The following ARHGEF2 variants were observed in gnomAD, a reference collection of about 807,000 sequenced individuals.
The protein encoded by ARHGEF2 is rho guanine nucleotide exchange factor 2.
A neutral mutation model predicts 121.0 loss-of-function variants in ARHGEF2; 22 were observed. The observed-to-expected ratio is 0.18, with a 90% confidence interval of 0.13 to 0.26. The LOEUF (loss-of-function observed/expected upper bound fraction) is 0.26. ARHGEF2 is among the 10% of genes least tolerant of loss of function. The pLI is 1.00. For synonymous variants in ARHGEF2, 487 were observed against 530.0 expected, an observed-to-expected ratio of 0.92 and a Z score of 1.11; for missense variants, 907 against 1,336.0, an observed-to-expected ratio of 0.68 and a Z score of 5.01.
intron 1 of ARHGEF2, among the ~76,000 whole-genome samples, chr1:155,977,364 G>A (rs1257465094): frequency 1.3e-5 from 2 of 152,122 alleles, no homozygotes; most frequent in African/African-American, 4.8e-5. Flanking sequence ...TTGGGAATGG[G>A]GCTGGGTACA....
chr1:155,978,981 G>A, upstream of ARHGEF2: 1 of 985,686 alleles, frequency 1.0e-6, no homozygotes, highest in African/African-American at 1.7e-5. This position sits in a 1 kb window ranked among gnomAD's most constrained non-coding sequence, Gnocchi z 4.1. Flanking sequence ...CCCAGGACCA[G>A]TTCCTTCCTG....
chr1:155,966,612 G>A (rs1262415398), intron 3 of ARHGEF2, 133 bp from the exon 4 acceptor site: 3 of 1,104,828 alleles, frequency 2.7e-6, no homozygotes, highest in Admixed American at 1.8e-5. Flanking sequence ...GGGGATCAGG[G>A]TGATTGAGCC....
chr1:155,964,202 A>ATATG (rs1572143965), intron 7 of ARHGEF2, among the ~76,000 whole-genome samples: 2 of 117,206 alleles, frequency 1.7e-5, no homozygotes, highest in East Asian at 4.5e-4. Flanking sequence ...ATATATACAT[A>ATATG]TATATATATA....
chr1:155,965,821 C>A lies in ARHGEF2; in HGVS notation c.341-61G>T. 1.3e-6 allele frequency: 2 copies of A among 1,522,830 alleles called. No homozygotes were observed. The highest frequency in any genetic ancestry group is 8.7e-7 in the Non-Finnish European group (1 of 1,146,118). 94.3% of individuals were successfully genotyped at this position (1,522,830 alleles called of 1,614,324 possible). On this transcript the variant is annotated intron_variant, in intron 4 of 21. Coordinates refer to ENST00000361247, the MANE Select transcript of ARHGEF2 (RefSeq NM_001162383.2). The surrounding 1 kb of genome is among the most constrained non-coding windows in gnomAD (Gnocchi z 6.0). ...ACTCTGGTGCTTCCCAGGATTGAGG[C>A]CTCCTAGGCTCCTCAATGAGGAATG... is the stretch of plus-strand genomic sequence containing the variant.
chr1:155,973,603 G>A (rs978859559), intron 1 of ARHGEF2, among the ~76,000 whole-genome samples: 4 of 152,076 alleles, frequency 2.6e-5, no homozygotes, highest in African/African-American at 4.8e-5. Flanking sequence ...AAAATTGGCC[G>A]GGTATGGTGG....
chr1:155,977,196 C>G (rs1400898699), intron 1 of ARHGEF2, among the ~76,000 whole-genome samples: 1 of 152,160 alleles, frequency 6.6e-6, no homozygotes, highest in Non-Finnish European at 1.5e-5. Context: ...CAACTCTGGG[C>G]TGGGACCTGT....
chr1:155,951,228 A>G lies in ARHGEF2; in HGVS notation c.2304T>C (p.Pro768=). ...GCTTCTCCCGCCGCTCAGGGCCCTCAGGGAACCGGGCTTCCATCAGAGTGT... is the reference window on the plus strand; with the variant it reads ...GCTTCTCCCGCCGCTCAGGGCCCTCGGGGAACCGGGCTTCCATCAGAGTGT... ...QQDTLMEARF[P]EGPERREKLC... Residue 768 remains proline, a synonymous_variant, in exon 20 of 22, where the codon CCT becomes CCC. Coordinates refer to ENST00000361247, the MANE Select transcript of ARHGEF2 (RefSeq NM_001162383.2). The surrounding 1 kb of genome is among the most constrained non-coding windows in gnomAD (Gnocchi z 5.1). The G allele has an allele frequency of 6.2e-7, 1 of 1,611,230 alleles. No homozygotes were observed. The highest frequency in any genetic ancestry group is 8.5e-7 in the Non-Finnish European group (1 of 1,178,894).
Position 155,962,605 on chromosome 1 carries a change from C to T in ARHGEF2, c.1089G>A (p.Gln363=). ...KELYARDKRF[Q]QFIRKVTRPA... The stretch of plus-strand genomic sequence containing the variant: ...GAGGTCCGCTCACCCGGATGAATTG[C>T]TGGAAGCGTTTGTCTCGGGCGTACA... The change falls in exon 9 of 22, where the codon CAG becomes CAA. Residue 363 remains glutamine, a synonymous_variant. Transcript: ENST00000361247. The surrounding 1 kb of genome is among the most constrained non-coding windows in gnomAD (Gnocchi z 5.8). 1.2e-6 allele frequency: 2 copies of T among 1,613,912 alleles called. No homozygotes were observed. Among genetic ancestry groups the T allele is most frequent in the Non-Finnish European group, 1.7e-6 (2 of 1,180,018 alleles).
rs899267783 is a variant in ARHGEF2 at position 155,961,525 on chromosome 1, C to T, written c.1468+136G>A. 40 of 1,263,478 alleles carry T rather than the reference C, an allele frequency of 3.2e-5. 1 individual carries two copies. The highest frequency in any genetic ancestry group is 3.0e-4 in the South Asian group (21 of 70,718). The allele number at this position is 1,263,478 out of a possible 1,614,324, so 78.3% of individuals were successfully genotyped here. On this transcript the variant is annotated intron_variant, in intron 11 of 21. Transcript: ENST00000361247. This position sits in a 1 kb window ranked among gnomAD's most constrained non-coding sequence, Gnocchi z 4.7. ...TCCTGACCTCGTGATCCGCCCGCCT[C>T]GGCCTCCCTAAGTGCTGGGATTACA...
chr1:155,966,547 T>C, intron 3 of ARHGEF2, 68 bp from the exon 4 acceptor site: 1 of 1,572,040 alleles, frequency 6.4e-7, no homozygotes, highest in Admixed American at 1.7e-5. Context: ...CCCAGAGGCA[T>C]GGGACAGGAG....
rs747315791 is a variant in ARHGEF2 at position 155,951,961 on chromosome 1, G to A, written c.2130C>T (p.Gly710=). 9 of 1,614,094 alleles carry A rather than the reference G, an allele frequency of 5.6e-6. No individual in the cohort carries two copies. In the South Asian group the frequency reaches 6.6e-5, roughly 12 times the overall value. Residue 710 remains glycine (G), a synonymous_variant, in exon 17 of 22, where the codon GGC becomes GGT. Coordinates refer to ENST00000361247, the MANE Select transcript of ARHGEF2 (RefSeq NM_001162383.2). This position sits in a 1 kb window ranked among gnomAD's most constrained non-coding sequence, Gnocchi z 5.1. ...TANGEARTFN[G]SIELCRADSD... is the part of the protein sequence containing the mutation. ...AGTCAGCTCTGCAGAGTTCAATGGA[G>A]CCATTGAAGGTTCTGGCCTCACCAT...
At chr1:155,954,861 G>GT in intron 14 of ARHGEF2, 41 bp downstream of exon 14, 1 of 1,556,322 alleles carries the variant, frequency 6.4e-7, no homozygotes, top group Non-Finnish European at 8.8e-7. Context: ...TTGTGTGAAT[G>GT]TATTATAAAT....
In ARHGEF2 at chr1:155,978,050, C is replaced by G; in HGVS notation, c.63+315G>C. ...CCCGCGAGACACACACCTCCCTCTT[C>G]CCGCTCCGTCCCTTACCGGAGCAAC... On this transcript the variant is annotated intron_variant, in intron 1 of 21. Transcript: ENST00000361247. The surrounding 1 kb of genome is among the most constrained non-coding windows in gnomAD (Gnocchi z 4.1). 1 of 1,106,814 alleles carries G rather than the reference C, an allele frequency of 9.0e-7. No homozygotes were observed. The highest frequency in any genetic ancestry group is 1.1e-6 in the Non-Finnish European group (1 of 905,942). 68.6% of individuals were successfully genotyped at this position (1,106,814 alleles called of 1,614,324 possible). A position where few individuals can be genotyped will look rare whatever the true frequency, so the allele number is the denominator to read the frequency against.
rs771752773 is a variant in ARHGEF2, at chr1:155,962,102, C to T, written c.1219+3G>A. On this transcript the variant is annotated splice_donor_region_variant and intron_variant, in intron 10 of 21. Transcript: ENST00000361247. This position sits in a 1 kb window ranked among gnomAD's most constrained non-coding sequence, Gnocchi z 5.8. ...TGGCCCTCTCCTGGGCCTGCCTACT[C>T]ACCGTGGGAATGCTGCAGGATGCGG... 12 of 1,614,042 alleles carry T rather than the reference C, an allele frequency of 7.4e-6. No homozygotes were observed. The Admixed American group carries it at 1.2e-4, about 16-fold the overall frequency.
chr1:155,970,525 A>G (rs561849098), intron 1 of ARHGEF2: 1 of 985,500 alleles, frequency 1.0e-6, no homozygotes, highest in South Asian at 4.7e-5. Context: ...GGCTCTCAGA[A>G]ATCAAAAATC....
intron 7 of ARHGEF2, among the ~76,000 whole-genome samples, chr1:155,963,825 C>G (rs1349139804): frequency 6.6e-6 from 1 of 151,910 alleles, no homozygotes; most frequent in Non-Finnish European, 1.5e-5. Context: ...GCACATGCCA[C>G]CACACCTGAC....
chr1:155,948,191 T>A (rs1674702246), intron 21 of ARHGEF2, among the ~76,000 whole-genome samples, 176 bp from the exon 22 acceptor site: 1 of 152,192 alleles, frequency 6.6e-6, no homozygotes, highest in Non-Finnish European at 1.5e-5. Flanking sequence ...GTAAGCAAGG[T>A]ATCCATACCT....
At chr1:155,958,723 C>T (rs182798349) in intron 11 of ARHGEF2, among the ~76,000 whole-genome samples, 8 of 151,744 alleles carry the variant, frequency 5.3e-5, no homozygotes, top group Middle Eastern at 3.4e-3. Context: ...CTACTACAGG[C>T]GTGTGCCACC....
intron 7 of ARHGEF2, among the ~76,000 whole-genome samples, chr1:155,964,388 T>C (rs1678912719): frequency 6.6e-6 from 1 of 151,306 alleles, no homozygotes; most frequent in Non-Finnish European, 1.5e-5. Context: ...CTGTGAGCTA[T>C]TTTAGGGTAA....
Sources: gnomAD v4.1 joint callset for allele counts (sites outside exome capture counted in the v4.1 genomes callset) on GRCh38, gnomAD v4.1.1 for gene constraint, Gnocchi (gnomAD v3.1) non-coding constraint, MANE v1.5 for transcripts, NCBI Gene and HGNC (gene_info 2026-07-23, HGNC 2026-07-21) for gene names.